ZNF407: variants seen among roughly 807,000 people sequenced by gnomAD.
ZNF407 encodes zinc finger protein 407.
Under a neutral mutation model 131.2 loss-of-function variants are expected in ZNF407, and 17 were observed. That is an observed-to-expected ratio of 0.13 (90% confidence interval 0.09 to 0.19). ZNF407 has a LOEUF of 0.19. ZNF407 is among the 10% of genes least tolerant of loss of function. The pLI, the probability that ZNF407 is intolerant of heterozygous loss-of-function variation, is 1.00. For synonymous variants in ZNF407, 1,156 were observed against 1,062.0 expected (o/e 1.09, Z -1.72); for missense variants, 2,681 against 2,830.6 (o/e 0.95, Z 1.20).
At chr18:74,779,313 A>G (rs1969550773) in intron 3 of ZNF407, among the ~76,000 whole-genome samples, 1 of 150,868 alleles carries the variant, frequency 6.6e-6, no homozygotes, top group South Asian at 2.1e-4. Flanking sequence ...ACGGGGTTTC[A>G]CTGTGTTAGC....
At chr18:75,031,508 TAGAC>T (rs1015378651) in intron 8 of ZNF407, among the ~76,000 whole-genome samples, 3 of 152,230 alleles carry the variant, frequency 2.0e-5, no homozygotes, top group Non-Finnish European at 4.4e-5. Flanking sequence ...TAGTTTGCGT[TAGAC>T]AGATGGAGTT....
intron 7 of ZNF407, among the ~76,000 whole-genome samples, chr18:74,901,954 C>G (rs1435699795): frequency 6.7e-6 from 1 of 149,430 alleles, no homozygotes; most frequent in Non-Finnish European, 1.5e-5. Context: ...TATGTGTTTT[C>G]CTTAGCTGTA....
intron 4 of ZNF407, among the ~76,000 whole-genome samples, chr18:74,873,375 A>C (rs1568249912): frequency 6.6e-6 from 1 of 152,312 alleles, no homozygotes; most frequent in East Asian, 1.9e-4. Context: ...ATACCTTGGC[A>C]TGTGCTGAAC....
chr18:74,663,363 A>G (rs982334834), intron 3 of ZNF407, among the ~76,000 whole-genome samples: 12 of 152,184 alleles, frequency 7.9e-5, no homozygotes, highest in Admixed American at 5.9e-4. Flanking sequence ...AGGACATAAA[A>G]GGCAAGTTTA....
At chr18:74,616,030 C>T (rs1214497998) in intron 1 of ZNF407, among the ~76,000 whole-genome samples, 1 of 152,068 alleles carries the variant, frequency 6.6e-6, no homozygotes. Context: ...AGCCCAGCCC[C>T]TATTATAGTT....
chr18:74,605,718 A>G (rs1169455226), intron 1 of ZNF407, among the ~76,000 whole-genome samples: 2 of 152,216 alleles, frequency 1.3e-5, no homozygotes, highest in Non-Finnish European at 1.5e-5. Flanking sequence ...TAGGATTTCT[A>G]TGAAAACCAC....
At chr18:75,005,340 T>C (rs1170404656) in intron 8 of ZNF407, among the ~76,000 whole-genome samples, 1 of 151,960 alleles carries the variant, frequency 6.6e-6, no homozygotes, top group Non-Finnish European at 1.5e-5. Flanking sequence ...AGAACTTGCC[T>C]TTTTTTTCTC....
rs537730628 is a variant in ZNF407, at chr18:75,042,760, C to T, written c.5429-20390C>T. On this transcript the variant is annotated intron_variant, in intron 8 of 8. Coordinates refer to ENST00000299687, the MANE Select transcript of ZNF407 (RefSeq NM_017757.3). ...TAAATCTCTTCTCCTAGCACTCAGG[C>T]CTTGGCTGTCCCTATAGTTTTGTCT... Among the ~76,000 whole-genome samples the T allele has an allele frequency of 3.9e-5, 6 of 152,350 alleles. No individual in the cohort carries two copies. The South Asian group carries it at 8.3e-4, about 21-fold the overall frequency.
intron 3 of ZNF407, among the ~76,000 whole-genome samples, chr18:74,698,941 A>C (rs1373003921): frequency 6.6e-6 from 1 of 152,244 alleles, no homozygotes; most frequent in Non-Finnish European, 1.5e-5. Context: ...CCATAGTATA[A>C]AATAATTTTT....
intron 3 of ZNF407, among the ~76,000 whole-genome samples, chr18:74,648,473 T>G (rs995970096): frequency 6.6e-6 from 1 of 152,176 alleles, no homozygotes; most frequent in Non-Finnish European, 1.5e-5. Context: ...TTTTTTCGCT[T>G]GTCTTTCTTC....
chr18:74,809,194 C>T (rs191473072), intron 4 of ZNF407, among the ~76,000 whole-genome samples: 69 of 152,308 alleles, frequency 4.5e-4, no homozygotes, highest in African/African-American at 1.6e-3. Context: ...AAATTCTGCT[C>T]TCTTTAATAT....
At chr18:74,895,809 C>T (rs886866083) in intron 7 of ZNF407, among the ~76,000 whole-genome samples, 1 of 152,142 alleles carries the variant, frequency 6.6e-6, no homozygotes, top group African/African-American at 2.4e-5. Context: ...TGTTCTGCCA[C>T]TTGTTTCAGC....
At chr18:74,779,107 ATATTTTTT>A (rs1969540541) in intron 3 of ZNF407, among the ~76,000 whole-genome samples, 1 of 23,556 alleles carries the variant, frequency 4.2e-5, no homozygotes, top group Admixed American at 8.6e-4. Flanking sequence ...ATATATATAT[ATATTTTTT>A]TTTTTTTTTT....
At chr18:74,831,307 A>C (rs1384155388) in intron 4 of ZNF407, among the ~76,000 whole-genome samples, 2 of 152,220 alleles carry the variant, frequency 1.3e-5, no homozygotes, top group Non-Finnish European at 2.9e-5. Flanking sequence ...GTGTACAGTT[A>C]AACATTAAGT....
At chr18:74,924,726 G>A (rs1437328551) in intron 8 of ZNF407, among the ~76,000 whole-genome samples, 1 of 152,184 alleles carries the variant, frequency 6.6e-6, no homozygotes, top group East Asian at 1.9e-4. Context: ...AGAAAGGGGA[G>A]TGAAGATCTG....
At chr18:74,995,357 G>GT (rs34712438) in intron 8 of ZNF407, among the ~76,000 whole-genome samples, 29,976 of 151,986 alleles carry the variant, frequency 0.2, 3,316 homozygotes, top group Admixed American at 0.29. Context: ...CAAGAGACAG[G>GT]TTCAGAGACT....
chr18:74,728,236 A>G (rs1968206487), intron 3 of ZNF407, among the ~76,000 whole-genome samples: 2 of 152,262 alleles, frequency 1.3e-5, no homozygotes, highest in African/African-American at 4.8e-5. Flanking sequence ...AATTTGATAT[A>G]CGAAGTCACA....
intron 8 of ZNF407, among the ~76,000 whole-genome samples, chr18:75,006,713 G>C (rs1972914808): frequency 6.6e-6 from 1 of 152,148 alleles, no homozygotes; most frequent in Admixed American, 6.5e-5. Flanking sequence ...GGCTTCCATA[G>C]ATTAAGCTTA....
intron 8 of ZNF407, among the ~76,000 whole-genome samples, chr18:74,962,355 A>C (rs75208962): frequency 0.011 from 1,648 of 152,352 alleles, 32 homozygotes; most frequent in African/African-American, 0.037. Context: ...GCATGATATA[A>C]TGTCATTTGG....
Sources: gnomAD v4.1 joint callset for allele counts (sites outside exome capture counted in the v4.1 genomes callset) on GRCh38, gnomAD v4.1.1 for gene constraint, MANE v1.5 for transcripts, NCBI Gene and HGNC (gene_info 2026-07-23, HGNC 2026-07-21) for gene names.